F11: variants seen among roughly 807,000 people sequenced by gnomAD.
The protein encoded by F11 is coagulation factor XI, also known as coagualtion factor XI.
F11 carries 78 observed loss-of-function variants against 76.5 expected under a neutral mutation model. That is an observed-to-expected ratio of 1.02 (90% CI 0.85 to 1.23). The LOEUF (loss-of-function observed/expected upper bound fraction) is 1.23, where lower values mean the gene tolerates loss of function less well. Ranked by LOEUF, F11 falls within the 50% of genes most tolerant of loss-of-function variation. The pLI is 0.00. For synonymous variants in F11, 278 were observed against 276.3 expected (o/e 1.01, Z -0.06); for missense variants, 742 against 771.4 (o/e 0.96, Z 0.45).
At position 186,273,127 on chromosome 4, in the gene F11, C is replaced by G. The variant is rs1223706999; in HGVS notation, c.275C>G (p.Thr92Arg). 1 of 1,613,950 alleles carries G rather than the reference C, an allele frequency of 6.2e-7. No individual in the cohort carries two copies. The highest frequency in any genetic ancestry group is 8.5e-7 in the Non-Finnish European group (1 of 1,179,966). Residue 92 changes from threonine (T) to arginine (R), a missense_variant, in exon 4 of 15, where the codon ACA becomes AGA. Transcript: ENST00000403665. ...VTETLPRVNR[T>R]AAISGYSFKQ... ...GAAACACTGCCAAGAGTGAATAGGA[C>G]AGCAGCGATTTCTGGGTATTCTTTC...
In F11 at chr4:186,269,857, GGAA is replaced by G. The variant is rs1287404801; in HGVS notation, c.56-1751_56-1749del. Among the ~76,000 whole-genome samples the G allele has an allele frequency of 4.6e-5, 7 of 152,070 alleles. No individual in the cohort carries two copies. The South Asian group carries it at 8.3e-4, about 18-fold the overall frequency. ...TAATGATCAAAACTTTAAATAAACT[GGAA>G]ATGGAAGAGAACTTTCATCAGCTAT... On this transcript the variant is annotated intron_variant, in intron 2 of 14. Coordinates refer to ENST00000403665, the MANE Select transcript of F11 (RefSeq NM_000128.4).
In F11 at chr4:186,285,659, G is replaced by A. The variant is rs557399037; in HGVS notation, c.1326G>A (p.Leu442=). The A allele has an allele frequency of 2.5e-6, 4 of 1,614,096 alleles. No individual in the cohort carries two copies. In the Admixed American group the frequency reaches 6.7e-5, roughly 27 times the overall value. Residue 442 remains leucine (L), a synonymous_variant, in exon 12 of 15, where the codon TTG becomes TTA. Coordinates refer to ENST00000403665, the MANE Select transcript of F11 (RefSeq NM_000128.4). ...CFYGVESPKI[L]RVYSGILNQS... is the part of the protein sequence containing the mutation. ...TTAGGGTAGAGTCACCTAAGATTTT[G>A]CGTGTCTACAGTGGCATTTTAAATC...
intron 2 of F11, among the ~76,000 whole-genome samples, chr4:186,270,278 G>T (rs1402923699): frequency 3.9e-5 from 6 of 152,178 alleles, no homozygotes; most frequent in African/African-American, 1.4e-4. Context: ...ACTAGAAGCA[G>T]CATGTGTTCC....
At chr4:186,283,330 G>C (rs188128668) in intron 10 of F11, among the ~76,000 whole-genome samples, 2 of 152,092 alleles carry the variant, frequency 1.3e-5, no homozygotes, top group East Asian at 3.9e-4. Flanking sequence ...GGCTCCAACC[G>C]GGAGGGTGGG....
chr4:186,288,921 C>G lies in F11; in HGVS notation c.*307C>G. The G allele has an allele frequency of 2.8e-6, 1 of 356,542 alleles. No individual in the cohort carries two copies. Among genetic ancestry groups the G allele is most frequent in the South Asian group, 2.4e-5 (1 of 41,658 alleles). 22.1% of individuals were successfully genotyped at this position (356,542 alleles called of 1,614,324 possible). A position where few individuals can be genotyped will look rare whatever the true frequency, so the allele number is the denominator to read the frequency against. On this transcript the variant is annotated 3_prime_UTR_variant, in exon 15 of 15. Coordinates refer to ENST00000403665, the MANE Select transcript of F11 (RefSeq NM_000128.4). ...TATAGGCAGATATAGCAGAAAATAA[C>G]CAAGTAGTGGCAGTGGGGATCAGGC...
At chr4:186,282,058 C>G in intron 10 of F11, 1 of 1,238,824 alleles carries the variant, frequency 8.1e-7, no homozygotes, top group Non-Finnish European at 1.1e-6. Flanking sequence ...CAAGAAGGAG[C>G]ATTCGGCACC....
chr4:186,271,428 G>A (rs541398367), intron 2 of F11, among the ~76,000 whole-genome samples, 181 bp from the exon 3 acceptor site: 6 of 152,224 alleles, frequency 3.9e-5, no homozygotes, highest in East Asian at 3.9e-4. Flanking sequence ...TGTGATTTTC[G>A]TTTCCACCTG....
At chr4:186,267,241 G>A (rs376264885) in intron 2 of F11, 50 bp downstream of exon 2, 1 of 1,076,934 alleles carries the variant, frequency 9.3e-7, no homozygotes, top group Non-Finnish European at 1.5e-6. Flanking sequence ...AAATCACACT[G>A]CAATCTCCAC....
At chr4:186,273,294 A>G in intron 4 of F11, 117 bp downstream of exon 4, 1 of 830,410 alleles carries the variant, frequency 1.2e-6, no homozygotes. Flanking sequence ...AACCCCCTTA[A>G]TGAAGTTCTT....
rs566734345 is a variant in F11 at position 186,289,342 on chromosome 4, T to C, written c.*728T>C. On this transcript the variant is annotated 3_prime_UTR_variant, in exon 15 of 15. Coordinates refer to ENST00000403665, the MANE Select transcript of F11 (RefSeq NM_000128.4). ...GGATTGTATATTTATTTAAAATATCTTGGGAGGGGAGGCTGATGGAGATAG... is the reference window on the plus strand; with the variant it reads ...GGATTGTATATTTATTTAAAATATCCTGGGAGGGGAGGCTGATGGAGATAG... Among the ~76,000 whole-genome samples, 46 of 152,292 alleles carry C rather than the reference T, an allele frequency of 3.0e-4. No homozygotes were observed. Among genetic ancestry groups the C allele is most frequent in the African/African-American group, 1.1e-3 (45 of 41,560 alleles).
chr4:186,286,099 T>C (rs1384437951), intron 12 of F11: 20 of 532,714 alleles, frequency 3.8e-5, no homozygotes, highest in Admixed American at 3.2e-4. Context: ...GATAATTTAG[T>C]CTAAAGATAA....
At chr4:186,279,955 A>C in intron 7 of F11, 57 bp from the exon 8 acceptor site, 1 of 1,336,334 alleles carries the variant, frequency 7.5e-7, no homozygotes, top group South Asian at 1.2e-5. Context: ...AGGTGCTGTA[A>C]AAATGTTTTT....
At chr4:186,267,368 T>G (rs1024689195) in intron 2 of F11, among the ~76,000 whole-genome samples, 177 bp downstream of exon 2, 1 of 152,192 alleles carries the variant, frequency 6.6e-6, no homozygotes, top group African/African-American at 2.4e-5. Flanking sequence ...GTGAAAAAAT[T>G]GTTTGTACTG....
Position 186,288,483 on chromosome 4 carries a change from C to T in F11, c.1747C>T (p.His583Tyr). 6.2e-7 allele frequency: 1 copy of T among 1,614,168 alleles called. No individual in the cohort carries two copies. ...TTCGGGAGGCCCTCTGTCCTGCAAA[C>T]ACAATGAGGTCTGGCATCTGGTAGG... ...GDSGGPLSCK[H>Y]NEVWHLVGIT... Residue 583 changes from histidine to tyrosine, a missense_variant, in exon 15 of 15, where the codon CAC becomes TAC. His to Tyr is a moderately conservative substitution (Grantham distance 83). Coordinates refer to ENST00000403665, the MANE Select transcript of F11 (RefSeq NM_000128.4).
rs757530565 is a variant in F11, at chr4:186,285,654, AT to A, written c.1325del (p.Leu442CysfsTer8). On this transcript the variant is annotated frameshift_variant, in exon 12 of 15. Coordinates refer to ENST00000403665, the MANE Select transcript of F11 (RefSeq NM_000128.4). LOFTEE classifies it high-confidence loss of function. Reference sequence around the variant, plus strand: ...GCTCCTTAGGGTAGAGTCACCTAAGATTTTGCGTGTCTACAGTGGCATTTTA... The same window carrying A: ...GCTCCTTAGGGTAGAGTCACCTAAGATTTGCGTGTCTACAGTGGCATTTTA... ...HCFYGVESPK[I>X]LRVYSGILNQ... The A allele has an allele frequency of 5.6e-6, 9 of 1,613,960 alleles. No homozygotes were observed. The East Asian group carries it at 1.8e-4, about 32-fold the overall frequency.
At chr4:186,290,185 G>C (rs1226036918), downstream of F11, among the ~76,000 whole-genome samples, 1 of 152,102 alleles carries the variant, frequency 6.6e-6, no homozygotes, top group Non-Finnish European at 1.5e-5. Flanking sequence ...AAGGAAGAAG[G>C]ACATTTTTCA....
At chr4:186,276,453 A>C in intron 7 of F11, 63 bp downstream of exon 7, 6 of 1,587,434 alleles carry the variant, frequency 3.8e-6, no homozygotes, top group Non-Finnish European at 5.2e-6. Flanking sequence ...AAAATCCATC[A>C]TTAAAAATTC....
intron 10 of F11, 61 bp from the exon 11 acceptor site, chr4:186,284,031 G>A (rs938002088): frequency 1.2e-6 from 2 of 1,612,710 alleles, no homozygotes; most frequent in African/African-American, 1.3e-5. Flanking sequence ...TCCTGAAGGA[G>A]CATAATTACT....
intron 7 of F11, among the ~76,000 whole-genome samples, chr4:186,276,936 T>TAGGTAC (rs1740432847): frequency 1.3e-5 from 2 of 152,158 alleles, no homozygotes; most frequent in Admixed American, 6.5e-5. Context: ...AAATAAATTT[T>TAGGTAC]AGGTACAGGT....
Sources: allele counts gnomAD v4.1 joint callset (sites outside exome capture counted in the v4.1 genomes callset), GRCh38; gene constraint gnomAD v4.1.1; transcripts MANE v1.5; gene names NCBI Gene and HGNC (gene_info 2026-07-23, HGNC 2026-07-21).